The following PODXL variants were observed in gnomAD, a reference collection of about 807,000 sequenced individuals.
PODXL encodes podocalyxin like, also known as podocalyxin.
A neutral mutation model predicts 48.9 loss-of-function variants in PODXL; 20 were observed. The observed-to-expected ratio is 0.41, with a 90% CI of 0.29 to 0.59. The LOEUF (loss-of-function observed/expected upper bound fraction) is 0.59, where lower values mean the gene tolerates loss of function less well. Ranked by LOEUF, PODXL falls within the 20% of genes least tolerant of loss-of-function variation. The probability of loss-of-function intolerance (pLI) is 0.31; values close to 1 mark genes in which losing one functional copy is unlikely to be tolerated. For synonymous variants in PODXL, 295 were observed against 287.4 expected (o/e 1.03, Z -0.27); for missense variants, 606 against 675.1 (o/e 0.90, Z 1.13).
In PODXL at chr7:131,506,260, C is replaced by G; in HGVS notation, c.1311G>C (p.Glu437Asp). 1 of 1,614,168 alleles carries G rather than the reference C, an allele frequency of 6.2e-7. No individual in the cohort carries two copies. Among genetic ancestry groups the G allele is most frequent in the Non-Finnish European group, 8.5e-7 (1 of 1,180,000 alleles). Residue 437 changes from glutamate to aspartate, a missense_variant and splice_region_variant, in exon 7 of 9, where the codon GAG becomes GAC. Glu to Asp is a conservative substitution (Grantham distance 45). Transcript: ENST00000378555. ...TCCCCACACTTGGGGGGCCGCTTAC[C>G]TCCTTTAGTTCATCCCATTTGTCCT... ...RLKDKWDELK[E>D]AGVSDMKLGD...
chr7:131,530,619 C>T (rs1300422192), intron 1 of PODXL, among the ~76,000 whole-genome samples: 1 of 151,886 alleles, frequency 6.6e-6, no homozygotes, highest in Non-Finnish European at 1.5e-5. Context: ...GGTGGAGGGG[C>T]ACCTGTAGTC....
chr7:131,510,900 T>A lies in PODXL; in HGVS notation c.634A>T (p.Ile212Phe). ...GCCACAGTGCTTGAACTGCTTGAAA[T>A]TTTCATAAGATGGTCATGTCCCGAG... ...TSSGHDHLMK[I>F]SSSSSTVAIP... Residue 212 changes from isoleucine (I) to phenylalanine (F), a missense_variant, in exon 2 of 9, where the codon ATT becomes TTT. Transcript: ENST00000378555. The A allele has an allele frequency of 6.2e-7, 1 of 1,614,060 alleles. No individual in the cohort carries two copies. Among genetic ancestry groups the A allele is most frequent in the Non-Finnish European group, 8.5e-7 (1 of 1,180,024 alleles).
intron 1 of PODXL, among the ~76,000 whole-genome samples, chr7:131,534,077 C>T (rs1018499441): frequency 6.6e-6 from 1 of 152,262 alleles, no homozygotes; most frequent in Admixed American, 6.5e-5. Context: ...CCGTTAGAGC[C>T]GCGCAGCCCA....
chr7:131,525,463 A>T (rs1798167631), intron 1 of PODXL, among the ~76,000 whole-genome samples: 1 of 148,996 alleles, frequency 6.7e-6, no homozygotes. Context: ...TACAAAAATT[A>T]GCCAGGCATG....
intron 1 of PODXL, among the ~76,000 whole-genome samples, chr7:131,513,646 G>A (rs1178349699): frequency 6.6e-6 from 1 of 152,238 alleles, no homozygotes; most frequent in African/African-American, 2.4e-5. Context: ...GACGGGCTCT[G>A]CAGGCAGGAG....
chr7:131,544,509 G>A (rs771056620), intron 1 of PODXL, among the ~76,000 whole-genome samples: 25 of 152,200 alleles, frequency 1.6e-4, no homozygotes, highest in Non-Finnish European at 3.2e-4. Flanking sequence ...CAGCCATGGA[G>A]AAGCAAAACC....
intron 5 of PODXL, 113 bp downstream of exon 5, chr7:131,508,838 T>C (rs1403478384): frequency 1.2e-6 from 1 of 829,212 alleles, no homozygotes; most frequent in Non-Finnish European, 2.1e-6. Context: ...GGAAAGCAAA[T>C]GCACCTTAGA....
At chr7:131,548,092 G>C (rs897949690) in intron 1 of PODXL, among the ~76,000 whole-genome samples, 6 of 152,242 alleles carry the variant, frequency 3.9e-5, no homozygotes, top group Admixed American at 3.9e-4. Flanking sequence ...AGGTTTCTTT[G>C]TGCATTACCA....
At chr7:131,535,082 T>C (rs1013294026) in intron 1 of PODXL, among the ~76,000 whole-genome samples, 1 of 151,978 alleles carries the variant, frequency 6.6e-6, no homozygotes. Flanking sequence ...AAAAGAAATA[T>C]ATTGACCATC....
At chr7:131,516,966 TAC>T (rs1798007563) in intron 1 of PODXL, among the ~76,000 whole-genome samples, 1 of 152,130 alleles carries the variant, frequency 6.6e-6, no homozygotes. Context: ...GTGATCCTTC[TAC>T]CTCAGCCTCC....
chr7:131,547,678 T>C (rs1365899924), intron 1 of PODXL, among the ~76,000 whole-genome samples: 2 of 152,184 alleles, frequency 1.3e-5, no homozygotes, highest in Admixed American at 6.5e-5. Context: ...AGACCTATCA[T>C]ACGGAACAGT....
intron 1 of PODXL, among the ~76,000 whole-genome samples, chr7:131,519,200 C>A (rs1798055994): frequency 6.6e-6 from 1 of 152,232 alleles, no homozygotes; most frequent in South Asian, 2.1e-4. Context: ...TAGAGCTTTT[C>A]TCCTGTCACT....
At position 131,508,934 on chromosome 7, in the gene PODXL, A is replaced by G; in HGVS notation, c.1101+17T>C. The G allele has an allele frequency of 6.3e-7, 1 of 1,594,306 alleles. No individual in the cohort carries two copies. Among genetic ancestry groups the G allele is most frequent in the African/African-American group, 1.3e-5 (1 of 74,518 alleles). The stretch of plus-strand genomic sequence containing the variant: ...TGTGAGCCTGCACCTGGCGGCTCAG[A>G]TCAGCAAGCTACTCACACAGAGGGT... On this transcript the variant is annotated intron_variant, in intron 5 of 8. Coordinates refer to ENST00000378555, the MANE Select transcript of PODXL (RefSeq NM_001018111.3).
At chr7:131,521,758 G>A (rs1297829559) in intron 1 of PODXL, among the ~76,000 whole-genome samples, 1 of 152,174 alleles carries the variant, frequency 6.6e-6, no homozygotes, top group Non-Finnish European at 1.5e-5. Flanking sequence ...TGGGAACCCC[G>A]CCAGGTGCTC....
chr7:131,555,526 G>C (rs1798727993), intron 1 of PODXL, among the ~76,000 whole-genome samples: 1 of 152,222 alleles, frequency 6.6e-6, no homozygotes, highest in Non-Finnish European at 1.5e-5. Context: ...TTCTACGAGA[G>C]AGAAGTTCCC....
At chr7:131,537,050 A>G (rs1362468183) in intron 1 of PODXL, among the ~76,000 whole-genome samples, 1 of 152,056 alleles carries the variant, frequency 6.6e-6, no homozygotes, top group African/African-American at 2.4e-5. Flanking sequence ...ACCTGAGCCC[A>G]GGGAGGTGGA....
chr7:131,506,601 G>C lies in PODXL; in HGVS notation c.1227C>G (p.Val409=), dbSNP rs771728424. ...LASVPGSQTV[V]VKEITIHTKL... is the part of the protein sequence containing the mutation. ...CACTGTGAATAGTGATTTCTTTGAC[G>C]ACCACGGTCTGACTTCCTGGAACAG... The change falls in exon 6 of 9, where the codon GTC becomes GTG. Residue 409 remains valine, a synonymous_variant. Transcript: ENST00000378555. 6.2e-7 allele frequency: 1 copy of C among 1,614,074 alleles called. No individual in the cohort carries two copies. Among genetic ancestry groups the C allele is most frequent in the Non-Finnish European group, 8.5e-7 (1 of 1,180,000 alleles).
chr7:131,540,705 C>T (rs1018106542), intron 1 of PODXL, among the ~76,000 whole-genome samples: 1 of 152,200 alleles, frequency 6.6e-6, no homozygotes, highest in Non-Finnish European at 1.5e-5. Context: ...TCCCACGCCA[C>T]CTCCGGCCTC....
chr7:131,524,373 C>CAGAGAGAGAGAGAG (rs752358847), intron 1 of PODXL, among the ~76,000 whole-genome samples: 2 of 31,274 alleles, frequency 6.4e-5, no homozygotes, highest in Non-Finnish European at 2.0e-4. Context: ...CACACACACA[C>CAGAGAGAGAGAGAG]ACACACAGAG....
Sources: gnomAD v4.1 joint callset for allele counts (sites outside exome capture counted in the v4.1 genomes callset) on GRCh38, gnomAD v4.1.1 for gene constraint, MANE v1.5 for transcripts, NCBI Gene and HGNC (gene_info 2026-07-23, HGNC 2026-07-21) for gene names.